CDH4: variants seen among roughly 807,000 people sequenced by gnomAD.
CDH4 encodes the protein cadherin 4.
A neutral mutation model predicts 86.0 loss-of-function variants in CDH4; 33 were observed. The observed-to-expected ratio is 0.38, with a 90% CI of 0.29 to 0.51. The LOEUF (loss-of-function observed/expected upper bound fraction) is 0.51. Ranked by LOEUF, CDH4 falls within the 20% of genes least tolerant of loss-of-function variation. CDH4 has a pLI of 0.86. For missense variants in CDH4, 1,114 were observed against 1,307.4 expected, an observed-to-expected ratio of 0.85 and a Z score of 2.28; for synonymous variants, 555 against 549.4, an observed-to-expected ratio of 1.01 and a Z score of -0.14.
At chr20:61,771,009 T>A (rs1454083324) in intron 3 of CDH4, among the ~76,000 whole-genome samples, 1 of 138,130 alleles carries the variant, frequency 7.2e-6, no homozygotes, top group Non-Finnish European at 1.6e-5. Flanking sequence ...TTTCTTTTTT[T>A]CTTTTTTTTT....
intron 2 of CDH4, among the ~76,000 whole-genome samples, chr20:61,733,157 G>A (rs1371877664): frequency 1.3e-5 from 2 of 152,228 alleles, no homozygotes; most frequent in African/African-American, 2.4e-5. Flanking sequence ...CTCCTGGGAC[G>A]CTAGGTGCTC....
chr20:61,473,051 C>G (rs1435667824), intron 2 of CDH4, among the ~76,000 whole-genome samples: 1 of 152,142 alleles, frequency 6.6e-6, no homozygotes, highest in Non-Finnish European at 1.5e-5. Flanking sequence ...GATTCCTAGT[C>G]TTTGCCAATT....
Position 61,681,009 on chromosome 20 carries a change from T to C in CDH4, c.170-62554T>C, listed in dbSNP as rs192153400. ...TTTGTTCCCTCCCTTTCCACCCATT[T>C]CTTTGGGAAGACAAATAGGTGACAT... On this transcript the variant is annotated intron_variant, in intron 2 of 15. Coordinates refer to ENST00000614565, the MANE Select transcript of CDH4 (RefSeq NM_001794.5). The surrounding 1 kb of genome is among the most constrained non-coding windows in gnomAD (Gnocchi z 4.5). 9.8e-5 allele frequency among the ~76,000 whole-genome samples: 15 copies of C among 152,340 alleles called. No homozygotes were observed. Among genetic ancestry groups the C allele is most frequent in the Admixed American group, 7.2e-4 (11 of 15,310 alleles).
chr20:61,910,093 G>A (rs1054048870), intron 8 of CDH4, among the ~76,000 whole-genome samples: 4 of 152,244 alleles, frequency 2.6e-5, no homozygotes, highest in Admixed American at 6.5e-5. Context: ...TGATCTGGGC[G>A]TGGCTGACAC....
chr20:61,424,335 T>C (rs1377570656), intron 2 of CDH4, among the ~76,000 whole-genome samples: 3 of 148,664 alleles, frequency 2.0e-5, no homozygotes, highest in Non-Finnish European at 4.4e-5. Flanking sequence ...AACACACATG[T>C]ATCCAAACAC....
At chr20:61,538,489 C>T (rs1382461566) in intron 2 of CDH4, among the ~76,000 whole-genome samples, 1 of 152,218 alleles carries the variant, frequency 6.6e-6, no homozygotes, top group Non-Finnish European at 1.5e-5. Context: ...CTCATCCTTC[C>T]CTCCTCTCTC....
chr20:61,686,120 T>A (rs1337596730), intron 2 of CDH4, among the ~76,000 whole-genome samples: 1 of 152,228 alleles, frequency 6.6e-6, no homozygotes, highest in Admixed American at 6.5e-5. Flanking sequence ...TTTTATAGAC[T>A]TTTCTGCCAA....
Position 61,853,012 on chromosome 20 carries a change from A to G in CDH4, c.877+114A>G, listed in dbSNP as rs1003420433. 12 of 1,109,966 alleles carry G rather than the reference A, an allele frequency of 1.1e-5. No individual in the cohort carries two copies. The African/African-American group carries it at 1.7e-4, about 16-fold the overall frequency. The allele number at this position is 1,109,966 out of a possible 1,614,324, so 68.8% of individuals were successfully genotyped here. ...CCCGCTACCAGGATGGTGCCACGGG[A>G]CTTGGGCGCAGACACACAGCATGCA... On this transcript the variant is annotated intron_variant, in intron 6 of 15. Transcript: ENST00000614565.
rs950473131 is a variant in CDH4 at position 61,708,891 on chromosome 20, A to G, written c.170-34672A>G. ...AATCTTTTCCTGGTAATTTAGTTCT[A>G]TCGTATTTTACAAAGTATCAGCTTG... is the stretch of plus-strand genomic sequence containing the variant. On this transcript the variant is annotated intron_variant, in intron 2 of 15. Transcript: ENST00000614565. The surrounding 1 kb of genome is among the most constrained non-coding windows in gnomAD (Gnocchi z 4.5). Among the ~76,000 whole-genome samples the G allele has an allele frequency of 7.9e-5, 12 of 152,328 alleles. No homozygotes were observed. The South Asian group carries it at 8.3e-4, about 11-fold the overall frequency.
At position 61,811,100 on chromosome 20, in the gene CDH4, C is replaced by T. The variant is rs763087157; in HGVS notation, c.577-33568C>T. On this transcript the variant is annotated intron_variant, in intron 4 of 15. Coordinates refer to ENST00000614565, the MANE Select transcript of CDH4 (RefSeq NM_001794.5). The surrounding 1 kb of genome is among the most constrained non-coding windows in gnomAD (Gnocchi z 4.4). ...GCCACATCCTCAGCAGCCCCGCCAC[C>T]GCCTGTCACACCTGCTGCTCTGGAA... 4.6e-5 allele frequency among the ~76,000 whole-genome samples: 7 copies of T among 152,170 alleles called. No homozygotes were observed. The highest frequency in any genetic ancestry group is 2.0e-4 in the Admixed American group (3 of 15,282).
At chr20:61,854,644 T>C (rs1199160938) in intron 6 of CDH4, among the ~76,000 whole-genome samples, 7 of 126,166 alleles carry the variant, frequency 5.5e-5, no homozygotes, top group Admixed American at 2.5e-4. Context: ...GCACCTTTGG[T>C]CCACCCCCAG....
intron 2 of CDH4, among the ~76,000 whole-genome samples, chr20:61,606,788 C>G (rs1331205480): frequency 6.6e-6 from 1 of 152,252 alleles, no homozygotes; most frequent in Admixed American, 6.5e-5. Flanking sequence ...AAGCAAATTT[C>G]TAATTTGCCT....
chr20:61,787,925 T>A (rs1403601248), intron 4 of CDH4, among the ~76,000 whole-genome samples: 2 of 151,964 alleles, frequency 1.3e-5, no homozygotes, highest in South Asian at 2.1e-4. Flanking sequence ...AGAGAAGAAC[T>A]GAGAGAGTGT....
At chr20:61,724,589 T>A (rs574413221) in intron 2 of CDH4, among the ~76,000 whole-genome samples, 8 of 152,318 alleles carry the variant, frequency 5.3e-5, no homozygotes, top group Middle Eastern at 3.4e-3. Flanking sequence ...TGAGGGTGTC[T>A]CCTGCTGCCC....
chr20:61,662,977 G>A (rs1292186789), intron 2 of CDH4, among the ~76,000 whole-genome samples: 1 of 152,090 alleles, frequency 6.6e-6, no homozygotes, highest in Non-Finnish European at 1.5e-5. Context: ...GTCCCTCAGG[G>A]CCTCTCCTCC....
chr20:61,636,711 A>G (rs894165794), intron 2 of CDH4, among the ~76,000 whole-genome samples: 2 of 152,222 alleles, frequency 1.3e-5, no homozygotes, highest in African/African-American at 4.8e-5. Context: ...GAGGCTCCAG[A>G]GTTCCACGCC....
chr20:61,808,224 C>A (rs1482424768), intron 4 of CDH4, among the ~76,000 whole-genome samples: 1 of 152,040 alleles, frequency 6.6e-6, no homozygotes, highest in Non-Finnish European at 1.5e-5. Context: ...TTCAAAATCA[C>A]CCCGTCTCAG....
chr20:61,840,915 C>T (rs563501970), intron 4 of CDH4, among the ~76,000 whole-genome samples: 84 of 152,358 alleles, frequency 5.5e-4, no homozygotes, highest in Non-Finnish European at 4.7e-4. Flanking sequence ...TAAGCAAATG[C>T]GGCCTGATGG....
At chr20:61,413,634 A>G (rs534536689) in intron 2 of CDH4, among the ~76,000 whole-genome samples, 1 of 152,326 alleles carries the variant, frequency 6.6e-6, no homozygotes, top group East Asian at 1.9e-4. Context: ...CTGCCTGGCC[A>G]TGGCCTGGCG....
Sources: allele counts gnomAD v4.1 joint callset (sites outside exome capture counted in the v4.1 genomes callset), GRCh38; gene constraint gnomAD v4.1.1; non-coding constraint Gnocchi (gnomAD v3.1); transcripts MANE v1.5; gene names NCBI Gene and HGNC (gene_info 2026-07-23, HGNC 2026-07-21).